The following AKAP6 variants were observed in gnomAD, a reference collection of about 807,000 sequenced individuals.
AKAP6 encodes the protein A-kinase anchoring protein 6.
Under a neutral mutation model 188.5 loss-of-function variants are expected in AKAP6, and 58 were observed. That is an observed-to-expected ratio of 0.31 (90% CI 0.25 to 0.38). The LOEUF (loss-of-function observed/expected upper bound fraction) is 0.38. Among genes scored for constraint, AKAP6 ranks in the 10% least tolerant of loss-of-function variants. The pLI, the probability that AKAP6 is intolerant of heterozygous loss-of-function variation, is 1.00. For missense variants in AKAP6, 2,710 were observed against 2,740.0 expected (o/e 0.99, Z 0.24); for synonymous variants, 989 against 998.6 (o/e 0.99, Z 0.18).
At chr14:32,618,929 G>T (rs560028823) in intron 7 of AKAP6, among the ~76,000 whole-genome samples, 62 of 152,242 alleles carry the variant, frequency 4.1e-4, no homozygotes, top group Non-Finnish European at 7.6e-4. Flanking sequence ...TTTCCCTGAT[G>T]ATCAGTGATT....
chr14:32,382,614 A>G (rs1440338100), intron 1 of AKAP6, among the ~76,000 whole-genome samples: 2 of 152,180 alleles, frequency 1.3e-5, no homozygotes, highest in Non-Finnish European at 1.5e-5. Context: ...TGATGTCCTT[A>G]TGCTTTTCAT....
At chr14:32,430,264 ACTAT>A (rs1890170847) in intron 1 of AKAP6, among the ~76,000 whole-genome samples, 2 of 152,192 alleles carry the variant, frequency 1.3e-5, no homozygotes, top group Admixed American at 6.5e-5. Context: ...GATCCTATTG[ACTAT>A]CTAGTTCCGT....
At chr14:32,694,967 T>G (rs1385600608) in intron 8 of AKAP6, among the ~76,000 whole-genome samples, 1 of 152,154 alleles carries the variant, frequency 6.6e-6, no homozygotes, top group African/African-American at 2.4e-5. Context: ...TTTCTTTTAG[T>G]GGGGTGATTT....
chr14:32,775,873 G>A (rs187625653), intron 12 of AKAP6, among the ~76,000 whole-genome samples: 12 of 152,354 alleles, frequency 7.9e-5, no homozygotes, highest in Non-Finnish European at 1.6e-4. Context: ...ACTGCTGAAT[G>A]TGTAGACTGG....
chr14:32,449,535 A>G (rs1027599177), intron 2 of AKAP6, among the ~76,000 whole-genome samples: 1 of 151,750 alleles, frequency 6.6e-6, no homozygotes, highest in Non-Finnish European at 1.5e-5. Flanking sequence ...AAAAAAAAAA[A>G]AAAAAAGAAA....
chr14:32,635,705 G>T (rs147542931), intron 7 of AKAP6, among the ~76,000 whole-genome samples: 2 of 152,156 alleles, frequency 1.3e-5, no homozygotes, highest in African/African-American at 4.8e-5. Flanking sequence ...ATTTTTATGA[G>T]AAAATTATGT....
At position 32,836,439 on chromosome 14, in the gene AKAP6, A is replaced by T. The variant is rs986210451; in HGVS notation, c.*6634A>T. 2 of 152,084 alleles carry T rather than the reference A, an allele frequency of 1.3e-5. No individual in the cohort carries two copies. The highest frequency in any genetic ancestry group is 4.8e-5 in the African/African-American group (2 of 41,406). The allele number at this position is 152,084 out of a possible 1,614,324, so 9.4% of individuals were successfully genotyped here. On this transcript the variant is annotated 3_prime_UTR_variant, in exon 14 of 14. Transcript: ENST00000280979. ...CCTCCCAAAGGCTCCATCTCTTAAT[A>T]CGATCACATTGGGGATTAGGTTTCA...
intron 2 of AKAP6, among the ~76,000 whole-genome samples, chr14:32,462,955 A>G (rs1594640194): frequency 7.5e-6 from 1 of 133,508 alleles, no homozygotes; most frequent in South Asian, 2.4e-4. Flanking sequence ...ATCTCTGATA[A>G]AACAGTCTTT....
rs142680015 is a variant in AKAP6 at position 32,562,975 on chromosome 14, A to G, written c.2347-14145A>G. 2.1e-3 allele frequency among the ~76,000 whole-genome samples: 323 copies of G among 152,308 alleles called. 2 individuals are homozygous for G. The highest frequency in any genetic ancestry group is 7.2e-3 in the African/African-American group (298 of 41,580). Reference sequence around the variant, plus strand: ...GTCTTCTTAATAGGATGTAGGGTCCATGAAGAATTATATCTGTGCCCATTT... The same window carrying G: ...GTCTTCTTAATAGGATGTAGGGTCCGTGAAGAATTATATCTGTGCCCATTT... On this transcript the variant is annotated intron_variant, in intron 4 of 13. Coordinates refer to ENST00000280979, the MANE Select transcript of AKAP6 (RefSeq NM_004274.5).
intron 7 of AKAP6, among the ~76,000 whole-genome samples, chr14:32,667,635 C>T (rs1889004739): frequency 6.6e-6 from 1 of 152,068 alleles, no homozygotes. Flanking sequence ...GAATGATTCT[C>T]TTTGAAATGA....
chr14:32,333,097 G>A (rs963652132), intron 1 of AKAP6, among the ~76,000 whole-genome samples: 1 of 152,102 alleles, frequency 6.6e-6, no homozygotes, highest in Non-Finnish European at 1.5e-5. Context: ...TAGGTTCCAG[G>A]AAGAAGTTAA....
chr14:32,404,712 T>TATATATATATATATATATATATATATATA lies in AKAP6; in HGVS notation c.-34-28747_-34-28746insTATATATATATATATATATATATATATAA, dbSNP rs1491351629. Among the ~76,000 whole-genome samples the TATATATATATATATATATATATATATATA allele has an allele frequency of 5.1e-3, 54 of 10,506 alleles. 3 individuals are homozygous for TATATATATATATATATATATATATATATA. The highest frequency in any genetic ancestry group is 0.014 in the Admixed American group (11 of 796). 6.9% of individuals were successfully genotyped at this position (10,506 alleles called of 152,430 possible). The stretch of plus-strand genomic sequence containing the variant: ...AGGAGATATATATATATATATATAT[T>TATATATATATATATATATATATATATATA]AGTCAGAATGTCAGCAGGAAATAGT... On this transcript the variant is annotated intron_variant, in intron 1 of 13. Coordinates refer to ENST00000280979, the MANE Select transcript of AKAP6 (RefSeq NM_004274.5).
At chr14:32,577,359 C>A in intron 5 of AKAP6, 117 bp downstream of exon 5, 11 of 1,348,846 alleles carry the variant, frequency 8.2e-6, no homozygotes, top group Non-Finnish European at 1.0e-5. Flanking sequence ...TCAATGAAAC[C>A]AAATTTTAAT....
At chr14:32,605,709 C>T (rs561702997) in intron 7 of AKAP6, among the ~76,000 whole-genome samples, 2 of 152,154 alleles carry the variant, frequency 1.3e-5, no homozygotes, top group Non-Finnish European at 2.9e-5. Flanking sequence ...CTTTCCATGA[C>T]GTGACCTTGC....
At chr14:32,360,920 A>T (rs565391489) in intron 1 of AKAP6, among the ~76,000 whole-genome samples, 35 of 151,140 alleles carry the variant, frequency 2.3e-4, no homozygotes, top group South Asian at 1.9e-3. Context: ...ATTAAAAAAA[A>T]TTTTTTTTGT....
intron 11 of AKAP6, among the ~76,000 whole-genome samples, chr14:32,756,755 A>G (rs1011657597): frequency 9.2e-5 from 14 of 152,046 alleles, no homozygotes; most frequent in African/African-American, 3.4e-4. Context: ...TCCTGGTGCT[A>G]GGGTCTCCTG....
intron 1 of AKAP6, among the ~76,000 whole-genome samples, chr14:32,394,077 T>C (rs1321792977): frequency 6.6e-6 from 1 of 152,158 alleles, no homozygotes; most frequent in African/African-American, 2.4e-5. Flanking sequence ...CATAATATAG[T>C]GCATGAATTC....
At chr14:32,360,741 G>A (rs543385579) in intron 1 of AKAP6, among the ~76,000 whole-genome samples, 10 of 151,106 alleles carry the variant, frequency 6.6e-5, no homozygotes, top group African/African-American at 2.2e-4. Flanking sequence ...GTGTGTGTGT[G>A]TGTGTGTGTG....
intron 1 of AKAP6, among the ~76,000 whole-genome samples, chr14:32,431,096 C>T (rs1303882845): frequency 5.7e-5 from 8 of 140,060 alleles, no homozygotes; most frequent in African/African-American, 2.0e-4. Context: ...CAGAGTGAGA[C>T]TCCATCTCAA....
Sources: allele counts gnomAD v4.1 joint callset (sites outside exome capture counted in the v4.1 genomes callset), GRCh38; gene constraint gnomAD v4.1.1; transcripts MANE v1.5; gene names NCBI Gene and HGNC (gene_info 2026-07-23, HGNC 2026-07-21).